Variants in MYH14 observed in about 807,000 individuals in gnomAD.
The protein encoded by MYH14 is myosin-14.
MYH14 carries 123 observed loss-of-function variants against 255.5 expected under a neutral mutation model. That is an observed-to-expected ratio of 0.48 (90% CI 0.42 to 0.56). The LOEUF (loss-of-function observed/expected upper bound fraction) is 0.56. Among genes scored for constraint, MYH14 ranks in the 20% least tolerant of loss-of-function variants. The pLI is 0.00. For synonymous variants in MYH14, 1,095 were observed against 1,161.2 expected (o/e 0.94, Z 1.16); for missense variants, 2,423 against 2,802.3 (o/e 0.86, Z 3.06).
intron 3 of MYH14, 102 bp downstream of exon 3, chr19:50,217,873 G>A: frequency 7.0e-7 from 1 of 1,429,104 alleles, no homozygotes; most frequent in East Asian, 2.3e-5. Flanking sequence ...ACAGCTTGTA[G>A]ACTTGACTCT....
At chr19:50,301,928 G>A in intron 40 of MYH14, 59 bp downstream of exon 40, 7 of 1,365,110 alleles carry the variant, frequency 5.1e-6, no homozygotes, top group Non-Finnish European at 7.2e-6. Context: ...TTGGTGAGAG[G>A]AAGGAGGCTG....
chr19:50,303,032 A>G (rs2036545314), intron 40 of MYH14, among the ~76,000 whole-genome samples: 1 of 152,254 alleles, frequency 6.6e-6, no homozygotes, highest in Non-Finnish European at 1.5e-5. Flanking sequence ...CAGTCTCACT[A>G]CGAGTATTAT....
At chr19:50,299,335 C>T (rs1453293595) in intron 39 of MYH14, among the ~76,000 whole-genome samples, 2 of 151,790 alleles carry the variant, frequency 1.3e-5, no homozygotes, top group East Asian at 3.9e-4. Flanking sequence ...TTTGGGAGGC[C>T]GAGGCGGGCA....
At position 50,293,774 on chromosome 19, in the gene MYH14, A is replaced by G; in HGVS notation, c.5469+87A>G. 1 of 1,402,974 alleles carries G rather than the reference A, an allele frequency of 7.1e-7. No individual in the cohort carries two copies. The highest frequency in any genetic ancestry group is 9.6e-7 in the Non-Finnish European group (1 of 1,045,882). The allele number at this position is 1,402,974 out of a possible 1,614,324, so 86.9% of individuals were successfully genotyped here. A position where few individuals can be genotyped will look rare whatever the true frequency, so the allele number is the denominator to read the frequency against. On this transcript the variant is annotated intron_variant, in intron 39 of 42. Transcript: ENST00000642316. The surrounding 1 kb of genome is among the most constrained non-coding windows in gnomAD (Gnocchi z 4.1). The stretch of plus-strand genomic sequence containing the variant: ...AGTCCTCTTATTCAACAAATATAGA[A>G]AGGGGATATTTGAGTTGGGTTTTGA...
In MYH14 at chr19:50,299,677, G is replaced by A. The variant is rs147847800; in HGVS notation, c.5470-1984G>A. ...GACATATATCTGGCCGGGCGTGATG[G>A]CTCACGCCTATAATCCTAGCAGTTT... On this transcript the variant is annotated intron_variant, in intron 39 of 42. Transcript: ENST00000642316. Among the ~76,000 whole-genome samples the A allele has an allele frequency of 3.3e-3, 503 of 152,056 alleles. 4 individuals are homozygous for A. Among genetic ancestry groups the A allele is most frequent in the Non-Finnish European group, 5.0e-3 (338 of 68,004 alleles).
intron 16 of MYH14, among the ~76,000 whole-genome samples, chr19:50,254,141 C>T (rs755747074): frequency 2.0e-5 from 3 of 150,614 alleles, no homozygotes; most frequent in African/African-American, 4.9e-5. Context: ...CGCTTGAACC[C>T]GGGAGGTGGA....
In MYH14 at chr19:50,266,979, GT is replaced by G; in HGVS notation, c.2799del (p.Glu935SerfsTer79). 1 of 1,568,608 alleles carries G rather than the reference GT, an allele frequency of 6.4e-7. No homozygotes were observed. The highest frequency in any genetic ancestry group is 2.3e-5 in the East Asian group (1 of 42,766). On this transcript the variant is annotated frameshift_variant, in exon 23 of 43. Transcript: ENST00000642316. LOFTEE classifies it high-confidence loss of function. This position sits in a 1 kb window ranked among gnomAD's most constrained non-coding sequence, Gnocchi z 4.1. The part of the protein sequence containing the change: ...QELQQQSARE[V>X]GELQGRVAQL... ...GCTACAGCAGCAGAGCGCCCGCGAA[GT>G]TGGGGAGCTCCAGGGCCGAGTGGCA...
In MYH14 at chr19:50,211,791, G is replaced by A. The variant is rs145275757; in HGVS notation, c.405+1021G>A. 5.5e-4 allele frequency among the ~76,000 whole-genome samples: 84 copies of A among 151,512 alleles called. 2 individuals carry two copies. In the South Asian group the frequency reaches 0.01, roughly 18 times the overall value. On this transcript the variant is annotated intron_variant, in intron 2 of 42. Transcript: ENST00000642316. ...GAGCCCAGGAGTTCGGGACCATCCT[G>A]GGCATGGCAAAACCCCATCCCTGCA...
Position 50,278,113 on chromosome 19 carries a change from GC to G in MYH14, c.3859del (p.Leu1287TrpfsTer12). The G allele has an allele frequency of 6.3e-7, 1 of 1,597,644 alleles. No individual in the cohort carries two copies. The highest frequency in any genetic ancestry group is 8.6e-7 in the Non-Finnish European group (1 of 1,167,914). On this transcript the variant is annotated frameshift_variant, in exon 30 of 43. Transcript: ENST00000642316. ...GKGAWEKTRLALEAEVSELRA... is the reference protein window; with the variant it reads ...GKGAWEKTRLXLEAEVSELRA... ...AGGTGCATGGGAGAAGACCCGGCTGGCCCTGGAGGCCGAGGTGTCCGAGCTG... is the reference window on the plus strand; with the variant it reads ...AGGTGCATGGGAGAAGACCCGGCTGGCCTGGAGGCCGAGGTGTCCGAGCTG...
chr19:50,262,279 C>T (rs532953747), intron 21 of MYH14, among the ~76,000 whole-genome samples: 15 of 152,204 alleles, frequency 9.9e-5, no homozygotes, highest in Admixed American at 2.0e-4. Flanking sequence ...TCAGAGAGGC[C>T]GGGCACGGTG....
chr19:50,271,780 G>A (rs2035310557), intron 25 of MYH14, 69 bp from the exon 26 acceptor site: 3 of 1,596,454 alleles, frequency 1.9e-6, no homozygotes, highest in African/African-American at 2.7e-5. Flanking sequence ...ACCAGAAGCT[G>A]CAGATCAGGT....
At chr19:50,224,488 G>T (rs554312811) in intron 6 of MYH14, among the ~76,000 whole-genome samples, 4 of 152,204 alleles carry the variant, frequency 2.6e-5, no homozygotes, top group Admixed American at 6.5e-5. Context: ...GGAAATACAC[G>T]CATGTCCCAT....
chr19:50,271,673 G>T, intron 25 of MYH14, 127 bp downstream of exon 25: 1 of 1,461,828 alleles, frequency 6.8e-7, no homozygotes, highest in Non-Finnish European at 9.3e-7. Flanking sequence ...GGGGTGGGAT[G>T]GGTCTATAGC....
At chr19:50,236,814 T>C (rs928722130) in intron 10 of MYH14, among the ~76,000 whole-genome samples, 2 of 152,200 alleles carry the variant, frequency 1.3e-5, no homozygotes, top group African/African-American at 2.4e-5. Flanking sequence ...ATAATTCACG[T>C]CACACCATTC....
intron 33 of MYH14, 126 bp from the exon 34 acceptor site, chr19:50,286,356 T>G (rs1023742313): frequency 5.0e-5 from 47 of 941,472 alleles, no homozygotes; most frequent in Non-Finnish European, 7.1e-5. Context: ...CTCCCTCTTG[T>G]GTCTCTGCCT....
chr19:50,262,812 AG>A lies in MYH14; in HGVS notation c.2586-499del, dbSNP rs145888856. 8.1e-3 allele frequency among the ~76,000 whole-genome samples: 1,229 copies of A among 152,182 alleles called. 11 individuals are homozygous for A. Among genetic ancestry groups the A allele is most frequent in the African/African-American group, 0.028 (1,149 of 41,488 alleles). ...TTGGGACTGGGCAGAGAGAGTCGGG[AG>A]CAGGGGGACGAACGGCCAGAACACA... is the stretch of plus-strand genomic sequence containing the variant. On this transcript the variant is annotated intron_variant, in intron 21 of 42. Transcript: ENST00000642316.
chr19:50,203,866 A>T (rs1044412831), intron 1 of MYH14, among the ~76,000 whole-genome samples, 195 bp downstream of exon 1: 7 of 150,882 alleles, frequency 4.6e-5, no homozygotes, highest in African/African-American at 1.5e-4. Context: ...GGACGTCTAC[A>T]CTCCCCCAAC....
At chr19:50,275,835 A>G (rs1351878170) in intron 27 of MYH14, among the ~76,000 whole-genome samples, 156 bp from the exon 28 acceptor site, 1 of 152,178 alleles carries the variant, frequency 6.6e-6, no homozygotes, top group Non-Finnish European at 1.5e-5. Context: ...CAGAAAACTT[A>G]AATTAGTACT....
At chr19:50,281,418 A>G (rs536812084) in intron 32 of MYH14, among the ~76,000 whole-genome samples, 176 bp from the exon 33 acceptor site, 1 of 152,354 alleles carries the variant, frequency 6.6e-6, no homozygotes, top group Non-Finnish European at 1.5e-5. Flanking sequence ...CCCTGGAAGA[A>G]CTAGGGCTCA....
Sources: allele counts gnomAD v4.1 joint callset (sites outside exome capture counted in the v4.1 genomes callset), GRCh38; gene constraint gnomAD v4.1.1; non-coding constraint Gnocchi (gnomAD v3.1); transcripts MANE v1.5; gene names NCBI Gene and HGNC (gene_info 2026-07-23, HGNC 2026-07-21).